TLR2: variants seen among roughly 807,000 people sequenced by gnomAD.
TLR2 encodes the protein toll-like receptor 2.
In TLR2, 7 loss-of-function variants were observed where a neutral mutation model predicts 9.1. That is an observed-to-expected ratio of 0.77 (90% CI 0.44 to 1.44). TLR2 has a LOEUF of 1.44. Among genes scored for constraint, TLR2 ranks in the 40% most tolerant of loss-of-function variants. TLR2 has a pLI of 0.01. For synonymous variants in TLR2, 317 were observed against 344.6 expected (o/e 0.92, Z 0.89); for missense variants, 812 against 904.6 (o/e 0.90, Z 1.31).
intron 2 of TLR2, among the ~76,000 whole-genome samples, chr4:153,696,617 G>A (rs1469874537): frequency 6.6e-6 from 1 of 152,176 alleles, no homozygotes; most frequent in Non-Finnish European, 1.5e-5. Flanking sequence ...ATTACCAAAT[G>A]TGTTTTCTGT....
chr4:153,698,774 G>A (rs1254825570), intron 2 of TLR2, among the ~76,000 whole-genome samples: 1 of 152,148 alleles, frequency 6.6e-6, no homozygotes, highest in Admixed American at 6.5e-5. Flanking sequence ...GGAAACTTAA[G>A]TAAATGCTGG....
intron 2 of TLR2, among the ~76,000 whole-genome samples, chr4:153,692,776 T>C (rs573788913): frequency 7.9e-5 from 12 of 152,328 alleles, no homozygotes; most frequent in South Asian, 2.1e-4. Context: ...AGGTTGTCCA[T>C]TGGGCCCTTC....
At chr4:153,696,886 T>A (rs976776445) in intron 2 of TLR2, among the ~76,000 whole-genome samples, 6 of 151,974 alleles carry the variant, frequency 3.9e-5, no homozygotes, top group African/African-American at 1.4e-4. Context: ...GAATTCTAAT[T>A]AATATGTGGT....
intron 2 of TLR2, among the ~76,000 whole-genome samples, chr4:153,696,578 T>C (rs1303681302): frequency 6.6e-6 from 1 of 152,208 alleles, no homozygotes; most frequent in African/African-American, 2.4e-5. Flanking sequence ...AATTTGCTTA[T>C]TACAGAGAGA....
In TLR2 at chr4:153,703,337, C is replaced by CT. The variant is rs752800383; in HGVS notation, c.436dup (p.Ser146PhefsTer19). On this transcript the variant is annotated frameshift_variant, in exon 3 of 3. Transcript: ENST00000642700. LOFTEE classifies it low-confidence loss of function (END_TRUNC). Reference sequence around the variant, plus strand: ...TTACAAAACCCTAGGGGAAACATCTCTTTTTTCTCATCTCACAAAATTGCA... The same window carrying CT: ...TTACAAAACCCTAGGGGAAACATCTCTTTTTTTCTCATCTCACAAAATTGCA... 43 of 1,613,768 alleles carry CT rather than the reference C, an allele frequency of 2.7e-5. No individual in the cohort carries two copies. The highest frequency in any genetic ancestry group is 3.6e-5 in the Non-Finnish European group (42 of 1,179,982).
Position 153,703,018 on chromosome 4 carries a change from G to C in TLR2, c.111G>C (p.Lys37Asn). 2 of 1,613,974 alleles carry C rather than the reference G, an allele frequency of 1.2e-6. No homozygotes were observed. The highest frequency in any genetic ancestry group is 2.7e-5 in the African/African-American group (2 of 74,958). Residue 37 changes from lysine (K) to asparagine (N), a missense_variant, in exon 3 of 3, where the codon AAG (lysine) becomes AAC (asparagine). Lys to Asn is a moderately conservative substitution (Grantham distance 94). Coordinates refer to ENST00000642700, the MANE Select transcript of TLR2 (RefSeq NM_001318789.2). ...SLSCDRNGIC[K>N]GSSGSLNSIP... Reference sequence around the variant, plus strand: ...CTTGTGACCGCAATGGTATCTGCAAGGGCAGCTCAGGATCTTTAAACTCCA... The same window carrying C: ...CTTGTGACCGCAATGGTATCTGCAACGGCAGCTCAGGATCTTTAAACTCCA...
chr4:153,700,856 A>G (rs904662244), intron 2 of TLR2, among the ~76,000 whole-genome samples: 12 of 152,210 alleles, frequency 7.9e-5, no homozygotes, highest in Non-Finnish European at 2.9e-5. Flanking sequence ...GCATGTCCCT[A>G]TTAACAAAAA....
chr4:153,685,442 G>C (rs557719322), intron 1 of TLR2, among the ~76,000 whole-genome samples: 8 of 152,304 alleles, frequency 5.3e-5, no homozygotes, highest in African/African-American at 1.9e-4. Flanking sequence ...TTTTGACTCT[G>C]TTATTAAGAT....
Position 153,703,643 on chromosome 4 carries a change from G to A in TLR2, c.736G>A (p.Glu246Lys), listed in dbSNP as rs1737093038. ...CCATTTTTCAGAACTATCCACTGGT[G>A]AAACAAATTCATTGATTAAAAAGTT... ...TFHFSELSTG[E>K]TNSLIKKFTF... is the part of the protein sequence containing the mutation. Residue 246 changes from glutamate to lysine, a missense_variant, in exon 3 of 3, where the codon GAA becomes AAA. By Grantham distance (56) the Glu-to-Lys change is moderately conservative. Coordinates refer to ENST00000642700, the MANE Select transcript of TLR2 (RefSeq NM_001318789.2). 2 of 1,613,098 alleles carry A rather than the reference G, an allele frequency of 1.2e-6. No individual in the cohort carries two copies. Among genetic ancestry groups the A allele is most frequent in the Non-Finnish European group, 1.7e-6 (2 of 1,179,768 alleles).
At chr4:153,692,969 G>A (rs1376455272) in intron 2 of TLR2, among the ~76,000 whole-genome samples, 2 of 152,162 alleles carry the variant, frequency 1.3e-5, no homozygotes, top group African/African-American at 4.8e-5. Context: ...TCACCAGTAG[G>A]ATGTTTATCA....
intron 2 of TLR2, among the ~76,000 whole-genome samples, chr4:153,700,275 T>C (rs1293164499): frequency 6.6e-6 from 1 of 152,146 alleles, no homozygotes; most frequent in East Asian, 1.9e-4. Context: ...CAACATGAGA[T>C]TTGGAGAGGA....
At chr4:153,702,708 T>C (rs1464274949) in intron 2 of TLR2, 184 bp from the exon 3 acceptor site, 2 of 597,544 alleles carry the variant, frequency 3.3e-6, no homozygotes, top group Non-Finnish European at 5.7e-6. Context: ...AGGGAATTCA[T>C]TTTTTTATCC....
chr4:153,700,653 G>T (rs1736822112), intron 2 of TLR2, among the ~76,000 whole-genome samples: 1 of 152,162 alleles, frequency 6.6e-6, no homozygotes, highest in Non-Finnish European at 1.5e-5. Flanking sequence ...GGAGGAAGAA[G>T]AACGTATTTG....
intron 2 of TLR2, among the ~76,000 whole-genome samples, chr4:153,701,026 CAA>C (rs774900633): frequency 6.6e-6 from 1 of 152,004 alleles, no homozygotes; most frequent in Non-Finnish European, 1.5e-5. Flanking sequence ...TAGAAAATAA[CAA>C]AGAGAATATC....
chr4:153,697,273 T>A (rs920455028), intron 2 of TLR2, among the ~76,000 whole-genome samples: 2 of 152,178 alleles, frequency 1.3e-5, no homozygotes, highest in African/African-American at 2.4e-5. Flanking sequence ...CAAGGTTTTC[T>A]TGGAGTATTG....
intron 2 of TLR2, among the ~76,000 whole-genome samples, chr4:153,696,577 A>G (rs571605726): frequency 5.0e-4 from 76 of 152,342 alleles, no homozygotes; most frequent in Non-Finnish European, 8.4e-4. Context: ...GAATTTGCTT[A>G]TTACAGAGAG....
At chr4:153,695,323 T>A (rs1372851173) in intron 2 of TLR2, among the ~76,000 whole-genome samples, 1 of 152,228 alleles carries the variant, frequency 6.6e-6, no homozygotes, top group African/African-American at 2.4e-5. Context: ...TTTCTCCACA[T>A]CCTTGCAGCA....
intron 2 of TLR2, among the ~76,000 whole-genome samples, chr4:153,695,101 C>G (rs1017579087): frequency 2.0e-5 from 3 of 152,154 alleles, no homozygotes; most frequent in African/African-American, 7.2e-5. Flanking sequence ...GCTTCTAGAT[C>G]TTGGCTACTG....
At position 153,706,232 on chromosome 4, in the gene TLR2, A is replaced by G. The variant is rs1209160904; in HGVS notation, c.*970A>G. ...GTATTTCTGTAATTTAACAAAATAA[A>G]TACTCAGTTTAGGAGAATTTGAAAG... On this transcript the variant is annotated 3_prime_UTR_variant, in exon 3 of 3. Transcript: ENST00000642700. 2.0e-5 allele frequency among the ~76,000 whole-genome samples: 3 copies of G among 152,172 alleles called. No homozygotes were observed. The highest frequency in any genetic ancestry group is 2.9e-5 in the Non-Finnish European group (2 of 68,036).
Sources: allele counts gnomAD v4.1 joint callset (sites outside exome capture counted in the v4.1 genomes callset), GRCh38; gene constraint gnomAD v4.1.1; transcripts MANE v1.5; gene names NCBI Gene and HGNC (gene_info 2026-07-23, HGNC 2026-07-21).